Variants in OTC observed in about 807,000 individuals in gnomAD.
OTC encodes ornithine transcarbamylase, also known as ornithine transcarbamylase, mitochondrial.
In OTC, 3 loss-of-function variants were observed where a neutral mutation model predicts 30.3. That is an observed-to-expected ratio of 0.10 (90% CI 0.05 to 0.26). The LOEUF (loss-of-function observed/expected upper bound fraction) is 0.26. Ranked by LOEUF, OTC falls within the 10% of genes least tolerant of loss-of-function variation. OTC has a pLI of 1.00. For missense variants in OTC, 194 were observed against 260.3 expected (o/e 0.75, Z 1.75); for synonymous variants, 111 against 99.7 (o/e 1.11, Z -0.67).
intron 9 of OTC, among the ~76,000 whole-genome samples, chrX:38,418,437 T>C (rs1312002807): frequency 1.8e-5 from 2 of 112,514 alleles, no homozygotes; most frequent in Admixed American, 1.9e-4. Flanking sequence ...GGATTGTCTC[T>C]TCACTTTATT....
chrX:38,348,531 C>CT (rs757547933), upstream of OTC, among the ~76,000 whole-genome samples: 3 of 46,524 alleles, frequency 6.4e-5, no homozygotes, highest in East Asian at 1.5e-3. Context: ...CTTGCAGGAA[C>CT]TTTTTTTTTC....
At chrX:38,384,823 A>G (rs939410058) in intron 4 of OTC, among the ~76,000 whole-genome samples, 4 of 112,225 alleles carry the variant, frequency 3.6e-5, no homozygotes, top group African/African-American at 1.3e-4. Flanking sequence ...AAAGAAAGAA[A>G]GAAAACCGGG....
At chrX:38,394,624 C>T (rs942855520) in intron 4 of OTC, among the ~76,000 whole-genome samples, 3 of 111,577 alleles carry the variant, frequency 2.7e-5, no homozygotes, top group East Asian at 2.8e-4. Context: ...ACTACCCCAG[C>T]GCTTTCTGAT....
chrX:38,366,964 G>A (rs2068299175), intron 1 of OTC, among the ~76,000 whole-genome samples: 2 of 111,137 alleles, frequency 1.8e-5, no homozygotes, highest in African/African-American at 6.6e-5. Context: ...GATCACTTGA[G>A]CTCAGGAGTT....
At chrX:38,334,982 C>G in the OTC span, among the ~76,000 whole-genome samples, 1 of 112,021 alleles carries the variant, frequency 8.9e-6, no homozygotes, top group East Asian at 2.8e-4. Context: ...TTATGAGACT[C>G]TAACTAATGC....
the OTC span, among the ~76,000 whole-genome samples, chrX:38,345,924 T>C: frequency 9.0e-6 from 1 of 111,578 alleles, no homozygotes; most frequent in Admixed American, 9.6e-5. Context: ...TTATCGTCTT[T>C]GTTTAAACCA....
intron 4 of OTC, among the ~76,000 whole-genome samples, chrX:38,400,701 T>C (rs934409107): frequency 1.8e-5 from 2 of 112,214 alleles, no homozygotes; most frequent in Non-Finnish European, 3.8e-5. Context: ...CCCCACTGTG[T>C]TCTGTCATCA....
chrX:38,414,067 G>A (rs912145719), intron 9 of OTC, among the ~76,000 whole-genome samples: 3 of 111,521 alleles, frequency 2.7e-5, no homozygotes, highest in African/African-American at 9.8e-5. Context: ...GAAAATGTGA[G>A]CTCTCCAACC....
chrX:38,370,297 G>A (rs1361603163), intron 3 of OTC, among the ~76,000 whole-genome samples: 1 of 112,046 alleles, frequency 8.9e-6, no homozygotes, highest in Non-Finnish European at 1.9e-5. Context: ...TTGTTTTATG[G>A]TTTATTTTGT....
chrX:38,364,302 G>A (rs2068284898), intron 1 of OTC, among the ~76,000 whole-genome samples: 1 of 111,583 alleles, frequency 9.0e-6, no homozygotes, highest in African/African-American at 3.3e-5. Flanking sequence ...ACTGTTAGAG[G>A]TACGTAATAA....
chrX:38,411,441 G>T (rs553076649), intron 8 of OTC, among the ~76,000 whole-genome samples: 1 of 109,479 alleles, frequency 9.1e-6, no homozygotes, highest in South Asian at 4.0e-4. Flanking sequence ...CGAGGCGGGC[G>T]GATCATTTGA....
intron 1 of OTC, among the ~76,000 whole-genome samples, chrX:38,362,150 G>GT (rs751764152): frequency 8.9e-6 from 1 of 111,739 alleles, no homozygotes; most frequent in Admixed American, 9.5e-5. Context: ...GAAAAGGGGA[G>GT]TTTTTCTATG....
chrX:38,357,525 C>T (rs2068248016), intron 1 of OTC, among the ~76,000 whole-genome samples: 2 of 112,695 alleles, frequency 1.8e-5, no homozygotes, highest in Admixed American at 9.4e-5. Flanking sequence ...TCATTTAACA[C>T]TGAATTTTTT....
At chrX:38,379,100 T>C (rs978830493) in intron 3 of OTC, among the ~76,000 whole-genome samples, 2 of 111,594 alleles carry the variant, frequency 1.8e-5, no homozygotes, top group Admixed American at 1.9e-4. Context: ...ACAGGTCCCA[T>C]AGCAAGTAGG....
At chrX:38,404,165 T>G (rs2068504641) in intron 6 of OTC, among the ~76,000 whole-genome samples, 2 of 112,188 alleles carry the variant, frequency 1.8e-5, no homozygotes, top group African/African-American at 3.2e-5. Flanking sequence ...GAATCCAATG[T>G]GAGGATCACA....
chrX:38,344,277 A>ACG, the OTC span, among the ~76,000 whole-genome samples: 2 of 110,160 alleles, frequency 1.8e-5, no homozygotes, highest in African/African-American at 6.6e-5. Context: ...ACACACACAC[A>ACG]CGTGGAGAGA....
intron 3 of OTC, among the ~76,000 whole-genome samples, chrX:38,371,793 C>T (rs1378907173): frequency 8.9e-6 from 1 of 111,989 alleles, no homozygotes; most frequent in Non-Finnish European, 1.9e-5. Flanking sequence ...GAACATTTTG[C>T]TCTTTAAAGC....
chrX:38,388,167 G>A (rs1006348194), intron 4 of OTC, among the ~76,000 whole-genome samples: 1 of 111,845 alleles, frequency 8.9e-6, no homozygotes, highest in Admixed American at 9.5e-5. Context: ...GGGAGTGTAT[G>A]TTATATCCAT....
the OTC span, among the ~76,000 whole-genome samples, chrX:38,338,225 C>T: frequency 8.9e-6 from 1 of 112,236 alleles, no homozygotes; most frequent in East Asian, 2.8e-4. Context: ...TCTGCTGAGG[C>T]AAATGACTTT....
Sources: gnomAD v4.1 joint callset for allele counts (sites outside exome capture counted in the v4.1 genomes callset) on GRCh38, gnomAD v4.1.1 for gene constraint, MANE v1.5 for transcripts, NCBI Gene and HGNC (gene_info 2026-07-23, HGNC 2026-07-21) for gene names.